Variants in NBEA observed in about 807,000 individuals in gnomAD.
NBEA encodes lysosomal-trafficking regulator 2.
A neutral mutation model predicts 343.4 loss-of-function variants in NBEA; 44 were observed. The observed-to-expected ratio is 0.13, with a 90% confidence interval of 0.10 to 0.16. The LOEUF (loss-of-function observed/expected upper bound fraction) is 0.16, where lower values mean the gene tolerates loss of function less well. NBEA is among the 10% of genes least tolerant of loss of function. The pLI, the probability that NBEA is intolerant of heterozygous loss-of-function variation, is 1.00. For synonymous variants in NBEA, 1,175 were observed against 1,238.7 expected (o/e 0.95, Z 1.08); for missense variants, 2,555 against 3,631.3 (o/e 0.70, Z 7.62).
intron 41 of NBEA, among the ~76,000 whole-genome samples, chr13:35,539,785 G>A (rs961759986): frequency 6.6e-5 from 10 of 150,750 alleles, no homozygotes; most frequent in Non-Finnish European, 1.3e-4. Context: ...GCGTGGTGGC[G>A]GGCGCCTGTA....
At chr13:35,474,911 G>T (rs183893585) in intron 41 of NBEA, 367 of 1,007,190 alleles carry the variant, frequency 3.6e-4, no homozygotes, top group Non-Finnish European at 5.1e-4. Flanking sequence ...GGGTGGGTGA[G>T]ATGATGTTTA....
chr13:35,663,244 T>C (rs2085186834), intron 55 of NBEA, among the ~76,000 whole-genome samples: 1 of 152,326 alleles, frequency 6.6e-6, no homozygotes, highest in East Asian at 1.9e-4. Context: ...TCTAACTGTA[T>C]TGTTCTACCC....
intron 1 of NBEA, among the ~76,000 whole-genome samples, chr13:34,983,714 C>T (rs2060443913): frequency 6.6e-6 from 1 of 152,160 alleles, no homozygotes; most frequent in African/African-American, 2.4e-5. Context: ...GATCGCCATT[C>T]TAACTGGTGT....
At chr13:35,432,462 CTTCTTTTTTT>C (rs1037177556) in intron 39 of NBEA, 69 bp downstream of exon 39, 1 of 1,396,326 alleles carries the variant, frequency 7.2e-7, no homozygotes, top group African/African-American at 1.5e-5. Flanking sequence ...TTGAGAATTC[CTTCTTTTTTT>C]TTCGCTAGTA....
chr13:35,603,992 A>G (rs550455253), intron 47 of NBEA, among the ~76,000 whole-genome samples: 1 of 152,286 alleles, frequency 6.6e-6, no homozygotes, highest in African/African-American at 2.4e-5. Flanking sequence ...AGATAATAAT[A>G]TGCATTTCTG....
intron 35 of NBEA, among the ~76,000 whole-genome samples, chr13:35,307,714 A>G (rs1351077003): frequency 6.6e-6 from 1 of 152,082 alleles, no homozygotes; most frequent in Non-Finnish European, 1.5e-5. Context: ...TCGTATGTAA[A>G]AATCAATTTT....
chr13:35,442,843 C>T (rs1274140491), intron 39 of NBEA, among the ~76,000 whole-genome samples: 1 of 152,122 alleles, frequency 6.6e-6, no homozygotes, highest in African/African-American at 2.4e-5. Context: ...TCCATTTCCA[C>T]CTCTTGCTCT....
intron 44 of NBEA, among the ~76,000 whole-genome samples, chr13:35,564,964 CAG>C (rs1272731782): frequency 2.6e-5 from 4 of 152,172 alleles, no homozygotes; most frequent in Non-Finnish European, 4.4e-5. Flanking sequence ...TGCCAACACA[CAG>C]AGATTAAAAC....
chr13:35,201,358 T>C (rs551801165), intron 31 of NBEA, among the ~76,000 whole-genome samples: 14 of 152,240 alleles, frequency 9.2e-5, no homozygotes, highest in South Asian at 4.1e-4. Context: ...CATATTTTTT[T>C]ATATTGCAAT....
chr13:35,111,972 A>G (rs2066236108), intron 13 of NBEA, among the ~76,000 whole-genome samples: 1 of 136,114 alleles, frequency 7.3e-6, no homozygotes, highest in South Asian at 2.3e-4. Flanking sequence ...GCTGGAGTGC[A>G]GTGGTGCTAT....
intron 35 of NBEA, among the ~76,000 whole-genome samples, chr13:35,299,690 T>C (rs2036402268): frequency 6.6e-6 from 1 of 152,204 alleles, no homozygotes; most frequent in African/African-American, 2.4e-5. Context: ...AGGTTGTTCA[T>C]TTATTTTTTC....
chr13:35,187,431 C>T (rs1388145036), intron 30 of NBEA, among the ~76,000 whole-genome samples: 1 of 150,776 alleles, frequency 6.6e-6, no homozygotes, highest in African/African-American at 2.4e-5. Flanking sequence ...ATATATAATA[C>T]AACATAGTAA....
Position 35,655,561 on chromosome 13 carries a change from G to A in NBEA, c.8192-18G>A, listed in dbSNP as rs1312819360. On this transcript the variant is annotated intron_variant, in intron 54 of 58. Transcript: ENST00000379939. Reference sequence around the variant, plus strand: ...GAAAAAGACTAAATGAAGCAAACCTGTCATTTCTGTGTTGCAGGGAAATTG... The same window carrying A: ...GAAAAAGACTAAATGAAGCAAACCTATCATTTCTGTGTTGCAGGGAAATTG... 5.0e-6 allele frequency: 8 copies of A among 1,603,380 alleles called. No homozygotes were observed. The highest frequency in any genetic ancestry group is 1.7e-5 in the Admixed American group (1 of 59,504).
chr13:35,322,447 A>G (rs1041179166), intron 36 of NBEA, among the ~76,000 whole-genome samples: 34 of 152,014 alleles, frequency 2.2e-4, no homozygotes, highest in Admixed American at 1.9e-3. Context: ...AACCAGTCCA[A>G]TCACCCACTG....
intron 48 of NBEA, among the ~76,000 whole-genome samples, chr13:35,608,172 T>C (rs1199630542): frequency 2.0e-5 from 3 of 152,130 alleles, no homozygotes; most frequent in African/African-American, 7.2e-5. Context: ...ATCTAGATAA[T>C]CTGCAATGTG....
chr13:35,406,021 C>G (rs1471670259), intron 38 of NBEA, among the ~76,000 whole-genome samples: 1 of 152,016 alleles, frequency 6.6e-6, no homozygotes, highest in African/African-American at 2.4e-5. Flanking sequence ...ATTCCTGCCC[C>G]CTCCATCTCC....
chr13:35,664,329 T>TAGG (rs1318023065), intron 55 of NBEA, among the ~76,000 whole-genome samples: 1 of 151,810 alleles, frequency 6.6e-6, no homozygotes, highest in Non-Finnish European at 1.5e-5. Context: ...AGAGACAAGA[T>TAGG]AGGGGATCGG....
intron 40 of NBEA, among the ~76,000 whole-genome samples, chr13:35,453,760 G>A (rs1296028694): frequency 6.6e-6 from 1 of 152,088 alleles, no homozygotes; most frequent in African/African-American, 2.4e-5. Context: ...TTATAAGACT[G>A]CCCAGTAATG....
intron 49 of NBEA, among the ~76,000 whole-genome samples, chr13:35,633,737 G>A (rs2083571699): frequency 6.6e-6 from 1 of 151,844 alleles, no homozygotes; most frequent in Non-Finnish European, 1.5e-5. Flanking sequence ...CACTACACAG[G>A]CATTATTACC....
Sources: gnomAD v4.1 joint callset for allele counts (sites outside exome capture counted in the v4.1 genomes callset) on GRCh38, gnomAD v4.1.1 for gene constraint, MANE v1.5 for transcripts, NCBI Gene and HGNC (gene_info 2026-07-23, HGNC 2026-07-21) for gene names.